The following CLDN12 variants were observed in gnomAD, a reference collection of about 807,000 sequenced individuals.
CLDN12 encodes claudin-12.
CLDN12 carries 9 observed loss-of-function variants against 15.5 expected under a neutral mutation model. That is an observed-to-expected ratio of 0.58 (90% confidence interval 0.35 to 1.02). CLDN12 has a LOEUF of 1.02. Ranked by LOEUF, CLDN12 falls within the 50% of genes least tolerant of loss-of-function variation. CLDN12 has a pLI of 0.02. For synonymous variants in CLDN12, 140 were observed against 121.6 expected, an observed-to-expected ratio of 1.15 and a Z score of -1.00; for missense variants, 233 against 297.3, an observed-to-expected ratio of 0.78 and a Z score of 1.59.
intron 3 of CLDN12, chr7:90,412,408 T>G: frequency 2.5e-6 from 1 of 401,890 alleles, no homozygotes; most frequent in Non-Finnish European, 4.4e-6. Context: ...TGGCTAAAGA[T>G]TTTAGTTGCT....
intron 2 of CLDN12, among the ~76,000 whole-genome samples, chr7:90,411,444 A>G (rs367687520): frequency 7.2e-5 from 11 of 152,232 alleles, no homozygotes; most frequent in African/African-American, 2.4e-4. Flanking sequence ...TTTGCCATAT[A>G]CAGAAAAAGA....
intron 2 of CLDN12, among the ~76,000 whole-genome samples, chr7:90,409,522 A>G (rs147660893): frequency 2.0e-4 from 31 of 152,284 alleles, no homozygotes; most frequent in Non-Finnish European, 8.8e-5. Context: ...TCGCCCAGCC[A>G]GTATATTACT....
rs1797032334 is a variant in CLDN12 at position 90,414,313 on chromosome 7, G to A, written c.*902G>A. ...GTGAGTACACTAGAGATTTACTCTG[G>A]TGACTGCCTTTTGAGTTATGGGTGA... On this transcript the variant is annotated 3_prime_UTR_variant, in exon 4 of 4. Transcript: ENST00000496677. The A allele has an allele frequency of 1.0e-6, 1 of 1,000,220 alleles. No individual in the cohort carries two copies. The highest frequency in any genetic ancestry group is 1.2e-6 in the Non-Finnish European group (1 of 829,982). The allele number at this position is 1,000,220 out of a possible 1,614,324, so 62.0% of individuals were successfully genotyped here.
In CLDN12 at chr7:90,414,385, C is replaced by G. The variant is rs906996301; in HGVS notation, c.*974C>G. 6.0e-6 allele frequency: 6 copies of G among 1,000,130 alleles called. No individual in the cohort carries two copies. The highest frequency in any genetic ancestry group is 6.2e-5 in the Admixed American group (1 of 16,254). The allele number at this position is 1,000,130 out of a possible 1,614,324, so 62.0% of individuals were successfully genotyped here. On this transcript the variant is annotated 3_prime_UTR_variant, in exon 4 of 4. Coordinates refer to ENST00000496677, the MANE Select transcript of CLDN12 (RefSeq NM_001185072.3). ...AACCTTGATTCATTCACCCTTGATT[C>G]ATTTCTCGCCCCCGTCACTGATTAT... is the stretch of plus-strand genomic sequence containing the variant.
chr7:90,413,866 CAAT>C lies in CLDN12; in HGVS notation c.*459_*461del. The C allele has an allele frequency of 1.0e-6, 1 of 999,716 alleles. No individual in the cohort carries two copies. Among genetic ancestry groups the C allele is most frequent in the South Asian group, 4.7e-5 (1 of 21,358 alleles). The allele number at this position is 999,716 out of a possible 1,614,324, so 61.9% of individuals were successfully genotyped here. A position where few individuals can be genotyped will look rare whatever the true frequency, so the allele number is the denominator to read the frequency against. On this transcript the variant is annotated 3_prime_UTR_variant, in exon 4 of 4. Transcript: ENST00000496677. ...GTAAGGGTAATATTTTAATAGTAGT[CAAT>C]AATCTAGCTTAAGGCTGTAACTCTT... is the stretch of plus-strand genomic sequence containing the variant.
intron 3 of CLDN12, 166 bp from the exon 4 acceptor site, chr7:90,412,478 C>A: frequency 5.1e-6 from 3 of 584,630 alleles, no homozygotes; most frequent in East Asian, 2.8e-5. Flanking sequence ...GTCACACACA[C>A]CTGCATGTAT....
chr7:90,404,286 G>T (rs2115857483), intron 1 of CLDN12, among the ~76,000 whole-genome samples: 1 of 151,890 alleles, frequency 6.6e-6, no homozygotes, highest in Non-Finnish European at 1.5e-5. Flanking sequence ...GCGGGGGAGG[G>T]GTTGGGGGGG....
Position 90,414,525 on chromosome 7 carries a change from TACCTGGCAGTTGGGGA to T in CLDN12, c.*1116_*1131del, listed in dbSNP as rs1399382784. The T allele has an allele frequency of 4.7e-6, 2 of 429,198 alleles. No individual in the cohort carries two copies. Among genetic ancestry groups the T allele is most frequent in the Non-Finnish European group, 6.5e-6 (2 of 308,188 alleles). 26.6% of individuals were successfully genotyped at this position (429,198 alleles called of 1,614,324 possible). A position where few individuals can be genotyped will look rare whatever the true frequency, so the allele number is the denominator to read the frequency against. On this transcript the variant is annotated 3_prime_UTR_variant, in exon 4 of 4. Transcript: ENST00000496677. ...ATTTTAATAGAGAAGATCAAAATGT[TACCTGGCAGTTGGGGA>T]ATAATCTGACTTCGTTGGCAGTTGG...
intron 2 of CLDN12, among the ~76,000 whole-genome samples, chr7:90,408,255 C>T (rs1018997907): frequency 2.4e-4 from 37 of 152,150 alleles, no homozygotes; most frequent in Non-Finnish European, 4.4e-5. Flanking sequence ...GTAATCCCAG[C>T]CCTTTGAAAG....
At position 90,413,602 on chromosome 7, in the gene CLDN12, A is replaced by T. The variant is rs1033653763; in HGVS notation, c.*191A>T. The T allele has an allele frequency of 8.9e-6, 12 of 1,351,808 alleles. No homozygotes were observed. Among genetic ancestry groups the T allele is most frequent in the Admixed American group, 3.6e-5 (1 of 28,122 alleles). 83.7% of individuals were successfully genotyped at this position (1,351,808 alleles called of 1,614,324 possible). On this transcript the variant is annotated 3_prime_UTR_variant, in exon 4 of 4. Coordinates refer to ENST00000496677, the MANE Select transcript of CLDN12 (RefSeq NM_001185072.3). ...ATATTATATTAAATGTGAATTTTTT[A>T]AATTTTGCTTCTTATACTGGAAGGA...
intron 3 of CLDN12, chr7:90,412,282 G>C (rs1017363247): frequency 1.1e-5 from 2 of 182,904 alleles, no homozygotes; most frequent in Non-Finnish European, 2.3e-5. Flanking sequence ...CATACAGAGT[G>C]CTTGATGTAT....
chr7:90,413,289 C>T lies in CLDN12; in HGVS notation c.613C>T (p.Pro205Ser), dbSNP rs752426881. The T allele has an allele frequency of 2.6e-5, 42 of 1,614,060 alleles. No individual in the cohort carries two copies. The Middle Eastern group carries it at 8.2e-4, about 32-fold the overall frequency. ...WYCTCKSLPS[P>S]FWQPLYSHPP... ...TTGTACATGCAAATCTTTGCCTTCT[C>T]CTTTCTGGCAACCATTGTACTCCCA... The change falls in exon 4 of 4, where the codon CCT (proline) becomes TCT (serine). Residue 205 changes from proline (P) to serine (S), a missense_variant. Physicochemically the swap from Pro to Ser is moderately conservative, Grantham distance 74. Transcript: ENST00000496677.
chr7:90,407,546 C>T (rs1158049085), intron 2 of CLDN12, among the ~76,000 whole-genome samples: 1 of 152,094 alleles, frequency 6.6e-6, no homozygotes, highest in Non-Finnish European at 1.5e-5. Context: ...AGCAAATAAT[C>T]GAGTGCCTTT....
intron 2 of CLDN12, among the ~76,000 whole-genome samples, chr7:90,407,125 CCTG>C (rs1185962757): frequency 6.6e-6 from 1 of 152,054 alleles, no homozygotes; most frequent in African/African-American, 2.4e-5. Flanking sequence ...GTCTCAAACT[CCTG>C]ACCTCGTGAT....
rs944930760 is a variant in CLDN12 at position 90,413,769 on chromosome 7, G to A, written c.*358G>A. ...ACAATCTTCATGAAAATTTCAGTGT[G>A]TATTTTTCTTTTTCTATAATACCTT... On this transcript the variant is annotated 3_prime_UTR_variant, in exon 4 of 4. Transcript: ENST00000496677. The A allele has an allele frequency of 2.9e-6, 3 of 1,021,444 alleles. No individual in the cohort carries two copies. The highest frequency in any genetic ancestry group is 5.7e-5 in the Admixed American group (1 of 17,510). 63.3% of individuals were successfully genotyped at this position (1,021,444 alleles called of 1,614,324 possible).
Position 90,412,887 on chromosome 7 carries a change from G to C in CLDN12, c.211G>C (p.Asp71His). 2.5e-6 allele frequency: 4 copies of C among 1,614,200 alleles called. No homozygotes were observed. The highest frequency in any genetic ancestry group is 2.2e-5 in the East Asian group (1 of 44,874). ...CGGGAGCAGTGACTGCCTGATGTAC[G>C]ACACTACTTGGTACTCATCAGTTGA... Reference protein sequence around the residue: ...YDGSSDCLMYDTTWYSSVDQL... With the variant: ...YDGSSDCLMYHTTWYSSVDQL... Residue 71 changes from aspartate to histidine, a missense_variant, in exon 4 of 4, where the codon GAC becomes CAC. Physicochemically the swap from Asp to His is moderately conservative, Grantham distance 81. Transcript: ENST00000496677.
chr7:90,412,771 A>G lies in CLDN12; in HGVS notation c.95A>G (p.Asn32Ser), dbSNP rs1230245825. The change falls in exon 4 of 4, where the codon AAC (asparagine) becomes AGC (serine). Residue 32 changes from asparagine (N) to serine (S), a missense_variant. Transcript: ENST00000496677. ...CTCTTTGCAGGGACTCTGCTTCCCA[A>G]CTGGAGAAAATTACGATTGATCACA... ...AGLFAGTLLP[N>S]WRKLRLITFN... The G allele has an allele frequency of 1.9e-6, 3 of 1,614,176 alleles. No homozygotes were observed. The highest frequency in any genetic ancestry group is 2.2e-5 in the East Asian group (1 of 44,876).
At chr7:90,410,133 A>G (rs1453134320) in intron 2 of CLDN12, among the ~76,000 whole-genome samples, 1 of 151,054 alleles carries the variant, frequency 6.6e-6, no homozygotes, top group Admixed American at 6.6e-5. Flanking sequence ...AAAGACCACC[A>G]GAGAGCTGTA....
At chr7:90,407,336 A>G (rs547001256) in intron 2 of CLDN12, among the ~76,000 whole-genome samples, 1 of 152,340 alleles carries the variant, frequency 6.6e-6, no homozygotes, top group African/African-American at 2.4e-5. Context: ...CTGGGGTAAG[A>G]AAATGAATGT....
Sources: gnomAD v4.1 joint callset for allele counts (sites outside exome capture counted in the v4.1 genomes callset) on GRCh38, gnomAD v4.1.1 for gene constraint, MANE v1.5 for transcripts, NCBI Gene and HGNC (gene_info 2026-07-23, HGNC 2026-07-21) for gene names.